ADGRL2: variants seen among roughly 807,000 people sequenced by gnomAD.
The protein encoded by ADGRL2 is calcium-independent alpha-latrotoxin receptor 2.
Under a neutral mutation model 157.4 loss-of-function variants are expected in ADGRL2, and 44 were observed. That is an observed-to-expected ratio of 0.28 (90% confidence interval 0.22 to 0.36). ADGRL2 has a LOEUF of 0.36. ADGRL2 is among the 10% of genes least tolerant of loss of function. The pLI is 1.00. For missense variants in ADGRL2, 1,510 were observed against 1,768.9 expected, an observed-to-expected ratio of 0.85 and a Z score of 2.63; for synonymous variants, 585 against 624.7, an observed-to-expected ratio of 0.94 and a Z score of 0.95.
intron 3 of ADGRL2, among the ~76,000 whole-genome samples, chr1:81,601,657 G>T (rs911904531): frequency 1.3e-5 from 2 of 152,162 alleles, no homozygotes; most frequent in Non-Finnish European, 2.9e-5. Context: ...CACAAGGAAA[G>T]CCCCCAAAAT....
At chr1:81,800,220 G>A (rs3748770), upstream of ADGRL2, among the ~76,000 whole-genome samples, 38,893 of 152,058 alleles carry the variant, frequency 0.26, 5,079 homozygotes, top group South Asian at 0.34. Context: ...AAACGCTCTT[G>A]TGAAATATAG....
At chr1:81,554,504 T>G (rs75735209) in intron 2 of ADGRL2, among the ~76,000 whole-genome samples, 3,746 of 151,814 alleles carry the variant, frequency 0.025, 77 homozygotes, top group Non-Finnish European at 0.036. Context: ...CAAAAAAAAA[T>G]TTTTGAATGT....
intron 2 of ADGRL2, among the ~76,000 whole-genome samples, chr1:81,789,106 C>T (rs554019272): frequency 5.3e-4 from 81 of 152,240 alleles, no homozygotes; most frequent in African/African-American, 1.9e-3. Context: ...GACAGTGCGA[C>T]CCAGTGTGTA....
At chr1:81,930,938 C>T (rs1010750847) in intron 3 of ADGRL2, among the ~76,000 whole-genome samples, 1 of 151,918 alleles carries the variant, frequency 6.6e-6, no homozygotes, top group African/African-American at 2.4e-5. Flanking sequence ...TTGAAACCAG[C>T]CTGCCCAACA....
chr1:81,952,091 G>C lies in ADGRL2; in HGVS notation c.1743G>C (p.Leu581=). 1 of 1,613,266 alleles carries C rather than the reference G, an allele frequency of 6.2e-7. No individual in the cohort carries two copies. Among genetic ancestry groups the C allele is most frequent in the Non-Finnish European group, 8.5e-7 (1 of 1,179,446 alleles). ...TGGTGGACATCCTTGATGCACAGCT[G>C]CAGGAACTGAAACCTAGTGAAAAAG... The part of the protein sequence containing the change: ...EQLVDILDAQ[L]QELKPSEKDS... The change falls in exon 9 of 24, where the codon CTG becomes CTC. Residue 581 remains leucine, a synonymous_variant. Transcript: ENST00000686636.
intron 2 of ADGRL2, among the ~76,000 whole-genome samples, chr1:81,879,239 C>A (rs1267814334): frequency 6.6e-6 from 1 of 151,956 alleles, no homozygotes; most frequent in Non-Finnish European, 1.5e-5. Flanking sequence ...GCTGGAGAAA[C>A]TGAAGTATGC....
At chr1:81,917,783 C>G (rs2094891660) in intron 3 of ADGRL2, among the ~76,000 whole-genome samples, 1 of 152,046 alleles carries the variant, frequency 6.6e-6, no homozygotes. Context: ...GACCGCAGAT[C>G]TGTTATTGTT....
In ADGRL2 at chr1:81,939,047, A is replaced by T. The variant is rs535833374; in HGVS notation, c.397+2210A>T. ...GTTTTTTACCACTTGGCTTTATACC[A>T]ATTTCTATCCCCAGTAAATCCTCCA... On this transcript the variant is annotated intron_variant, in intron 4 of 23. Transcript: ENST00000686636. Among the ~76,000 whole-genome samples the T allele has an allele frequency of 4.2e-3, 633 of 151,694 alleles. 4 individuals are homozygous for T. The highest frequency in any genetic ancestry group is 0.014 in the African/African-American group (584 of 41,526).
chr1:81,745,922 T>A (rs1456730112), intron 1 of ADGRL2, among the ~76,000 whole-genome samples: 1 of 152,138 alleles, frequency 6.6e-6, no homozygotes, highest in Non-Finnish European at 1.5e-5. Context: ...GCCAAAAGAA[T>A]GAGTATTGCT....
At chr1:81,686,998 G>T (rs1333068937) in intron 3 of ADGRL2, among the ~76,000 whole-genome samples, 1 of 152,126 alleles carries the variant, frequency 6.6e-6, no homozygotes, top group Non-Finnish European at 1.5e-5. Context: ...CTAAAAGAAT[G>T]CTTGATATAA....
At chr1:81,314,448 C>T (rs1006932000) in intron 1 of ADGRL2, among the ~76,000 whole-genome samples, 1 of 152,114 alleles carries the variant, frequency 6.6e-6, no homozygotes, top group South Asian at 2.1e-4. Context: ...TAGTTTGTAC[C>T]CAGAGCAGGG....
chr1:81,432,913 G>A (rs2077347726), intron 1 of ADGRL2, among the ~76,000 whole-genome samples: 1 of 152,110 alleles, frequency 6.6e-6, no homozygotes, highest in Admixed American at 6.6e-5. Context: ...GTTTCAATGT[G>A]GAAAGAGCTA....
chr1:81,413,178 C>T (rs1350510847), intron 1 of ADGRL2, among the ~76,000 whole-genome samples: 3 of 152,100 alleles, frequency 2.0e-5, no homozygotes, highest in African/African-American at 4.8e-5. Flanking sequence ...GCCTATCAGG[C>T]GCTACTTGAA....
chr1:81,325,248 T>G lies in ADGRL2; in HGVS notation c.-302+18739T>G, dbSNP rs151021490. ...AAGAACTGTTTTTAAAAAACTAGAC[T>G]GTCCAGAAACCTGCCTTAGAAGAGG... On this transcript the variant is annotated intron_variant, in intron 1 of 24. Transcript: ENST00000370721. Among the ~76,000 whole-genome samples the G allele has an allele frequency of 9.5e-4, 144 of 152,270 alleles. 2 individuals carry two copies. The East Asian group carries it at 0.023, about 24-fold the overall frequency.
intron 3 of ADGRL2, among the ~76,000 whole-genome samples, chr1:81,919,238 T>G (rs1352692833): frequency 6.6e-6 from 1 of 152,180 alleles, no homozygotes; most frequent in Non-Finnish European, 1.5e-5. Flanking sequence ...AAACATTTAT[T>G]TATTTAGTAA....
At chr1:81,897,233 A>G (rs139171621) in intron 2 of ADGRL2, among the ~76,000 whole-genome samples, 1 of 152,240 alleles carries the variant, frequency 6.6e-6, no homozygotes, top group African/African-American at 2.4e-5. Flanking sequence ...CGGAGGAGAT[A>G]GTTTAAACAG....
At chr1:81,452,823 C>T (rs1332656284) in intron 2 of ADGRL2, among the ~76,000 whole-genome samples, 1 of 152,076 alleles carries the variant, frequency 6.6e-6, no homozygotes, top group Admixed American at 6.6e-5. Flanking sequence ...GTATGAGCAC[C>T]ATTGAGAAGG....
intron 1 of ADGRL2, among the ~76,000 whole-genome samples, chr1:81,333,860 T>G (rs929179789): frequency 2.6e-5 from 4 of 152,196 alleles, no homozygotes; most frequent in African/African-American, 7.2e-5. Flanking sequence ...ATTGCTATGA[T>G]GCAGTGGTGG....
chr1:81,810,746 G>T (rs995250530), intron 1 of ADGRL2, among the ~76,000 whole-genome samples: 3 of 151,656 alleles, frequency 2.0e-5, no homozygotes, highest in African/African-American at 7.3e-5. Flanking sequence ...CTGAAGATTC[G>T]TGTACTGAAA....
Sources: allele counts gnomAD v4.1 joint callset (sites outside exome capture counted in the v4.1 genomes callset), GRCh38; gene constraint gnomAD v4.1.1; transcripts MANE v1.5; gene names NCBI Gene and HGNC (gene_info 2026-07-23, HGNC 2026-07-21).